CCDC192: variants seen among roughly 807,000 people sequenced by gnomAD.
CCDC192 encodes coiled-coil domain-containing protein 192.
At chr5:127,762,948 T>G (rs372446376) in intron 3 of CCDC192, among the ~76,000 whole-genome samples, 1 of 152,220 alleles carries the variant, frequency 6.6e-6, no homozygotes, top group Non-Finnish European at 1.5e-5. Context: ...TGTTTGGTAC[T>G]TCTGTGAATT....
At chr5:127,917,362 C>A (rs2127184256) in intron 6 of CCDC192, among the ~76,000 whole-genome samples, 1 of 152,298 alleles carries the variant, frequency 6.6e-6, no homozygotes, top group African/African-American at 2.4e-5. Flanking sequence ...ACTTTCATTT[C>A]CCTTCAAGAA....
chr5:127,764,534 T>TA (rs1322302120), intron 3 of CCDC192, among the ~76,000 whole-genome samples: 3 of 152,210 alleles, frequency 2.0e-5, no homozygotes, highest in Admixed American at 6.5e-5. Context: ...ATTTACCACT[T>TA]ACGCTATAGA....
At chr5:127,844,444 A>G (rs1198015280) in intron 5 of CCDC192, among the ~76,000 whole-genome samples, 1 of 152,228 alleles carries the variant, frequency 6.6e-6, no homozygotes, top group Non-Finnish European at 1.5e-5. Flanking sequence ...CATCACAATA[A>G]CAGAGCTGAG....
At chr5:127,862,418 G>A (rs1195475982) in intron 5 of CCDC192, among the ~76,000 whole-genome samples, 1 of 152,162 alleles carries the variant, frequency 6.6e-6, no homozygotes, top group Non-Finnish European at 1.5e-5. Flanking sequence ...AGCTTTTGTG[G>A]CCAGCACCTG....
rs114631099 is a variant in CCDC192, at chr5:127,791,253, A to G, written c.223-5850A>G. On this transcript the variant is annotated intron_variant, in intron 3 of 6. Transcript: ENST00000514853. ...AATTCAACTTTCAATATTTACTCCA[A>G]TGTCCAATAAAAGAACACTATAAAG... 6.0e-3 allele frequency among the ~76,000 whole-genome samples: 920 copies of G among 152,330 alleles called. 6 individuals carry two copies. The highest frequency in any genetic ancestry group is 9.6e-3 in the Non-Finnish European group (653 of 68,004).
intron 3 of CCDC192, among the ~76,000 whole-genome samples, chr5:127,761,398 A>T (rs1369151353): frequency 6.6e-6 from 1 of 152,196 alleles, no homozygotes; most frequent in Non-Finnish European, 1.5e-5. Context: ...AGATGGTGTT[A>T]AATACTTTGC....
chr5:127,892,423 T>G (rs1752758955), intron 6 of CCDC192, among the ~76,000 whole-genome samples: 1 of 152,198 alleles, frequency 6.6e-6, no homozygotes, highest in Admixed American at 6.5e-5. Context: ...ATTTCTAAAT[T>G]TATAGAGAAA....
At chr5:127,884,465 C>G (rs116204902) in intron 6 of CCDC192, among the ~76,000 whole-genome samples, 2,312 of 149,866 alleles carry the variant, frequency 0.015, 51 homozygotes, top group African/African-American at 0.053. Flanking sequence ...GTAGTTAGCA[C>G]TGGCTTATGG....
At chr5:127,795,909 GT>G (rs1242393906) in intron 3 of CCDC192, among the ~76,000 whole-genome samples, 1 of 152,174 alleles carries the variant, frequency 6.6e-6, no homozygotes, top group Non-Finnish European at 1.5e-5. Context: ...TTAAACACAT[GT>G]TGGTGATCAT....
chr5:127,720,396 A>G (rs1751951072), intron 2 of CCDC192, among the ~76,000 whole-genome samples: 1 of 152,236 alleles, frequency 6.6e-6, no homozygotes, highest in African/African-American at 2.4e-5. Context: ...TGAAATGGGC[A>G]GAATCCCAAG....
At chr5:127,890,099 T>A (rs1259010298) in intron 6 of CCDC192, among the ~76,000 whole-genome samples, 1 of 152,106 alleles carries the variant, frequency 6.6e-6, no homozygotes, top group Non-Finnish European at 1.5e-5. Context: ...CTTGTCCATG[T>A]ATGGTGGCTC....
chr5:127,941,238 A>C lies in CCDC192; in HGVS notation c.592A>C (p.Arg198=), dbSNP rs1754393763. The C allele has an allele frequency of 2.5e-6, 1 of 399,096 alleles. No individual in the cohort carries two copies. The highest frequency in any genetic ancestry group is 4.4e-6 in the Non-Finnish European group (1 of 226,070). The allele number at this position is 399,096 out of a possible 1,614,324, so 24.7% of individuals were successfully genotyped here. ...GGLPPVEEGD[R]KISLIMELST... Reference sequence around the variant, plus strand: ...TCTCCCACCTGTGGAAGAAGGTGATAGAAAAATTAGCCTGATAATGGAACT... The same window carrying C: ...TCTCCCACCTGTGGAAGAAGGTGATCGAAAAATTAGCCTGATAATGGAACT... The change falls in exon 7 of 7, where the codon AGA becomes CGA. Residue 198 remains arginine (R), a synonymous_variant. Transcript: ENST00000514853.
chr5:127,762,577 T>C (rs1480708593), intron 3 of CCDC192, among the ~76,000 whole-genome samples: 1 of 152,346 alleles, frequency 6.6e-6, no homozygotes, highest in East Asian at 1.9e-4. Context: ...ATATTGTTGT[T>C]GCAGGCGGGA....
At chr5:127,755,541 T>C (rs1375274157) in intron 3 of CCDC192, among the ~76,000 whole-genome samples, 1 of 151,364 alleles carries the variant, frequency 6.6e-6, no homozygotes, top group Non-Finnish European at 1.5e-5. Context: ...AAAGTTTCCA[T>C]CTCAGCCTCA....
intron 5 of CCDC192, among the ~76,000 whole-genome samples, chr5:127,805,311 C>G (rs1415372416): frequency 6.6e-6 from 1 of 152,128 alleles, no homozygotes; most frequent in Non-Finnish European, 1.5e-5. Flanking sequence ...AAGTGAGAGT[C>G]AAAGACACAA....
chr5:127,722,593 T>C (rs563115929), intron 2 of CCDC192, among the ~76,000 whole-genome samples: 1 of 152,298 alleles, frequency 6.6e-6, no homozygotes, highest in Non-Finnish European at 1.5e-5. Context: ...ATAGTTGAGG[T>C]CTTAGATTTA....
chr5:127,925,537 T>C (rs1753839136), intron 6 of CCDC192, among the ~76,000 whole-genome samples: 1 of 152,216 alleles, frequency 6.6e-6, no homozygotes, highest in African/African-American at 2.4e-5. Context: ...TTTCTCACTG[T>C]TGTTTTATTA....
intron 4 of CCDC192, among the ~76,000 whole-genome samples, chr5:127,797,487 T>C (rs1033948466): frequency 6.6e-6 from 1 of 151,958 alleles, no homozygotes; most frequent in East Asian, 1.9e-4. Flanking sequence ...GAATATTCTA[T>C]TTATTTTATA....
chr5:127,887,296 T>A (rs1387585383), intron 6 of CCDC192, among the ~76,000 whole-genome samples: 1 of 125,830 alleles, frequency 7.9e-6, no homozygotes, highest in Non-Finnish European at 1.6e-5. Context: ...GCCACTGCAC[T>A]CCAGCCTGGG....
Sources: gnomAD v4.1 joint callset for allele counts (sites outside exome capture counted in the v4.1 genomes callset) on GRCh38, gnomAD v4.1.1 for gene constraint, MANE v1.5 for transcripts, NCBI Gene and HGNC (gene_info 2026-07-23, HGNC 2026-07-21) for gene names.